SF3B3: variants seen among roughly 807,000 people sequenced by gnomAD.
SF3B3 encodes the protein SAP 130.
SF3B3 carries 33 observed loss-of-function variants against 139.2 expected under a neutral mutation model. The observed-to-expected ratio is 0.24, with a 90% confidence interval of 0.18 to 0.32. The LOEUF is 0.32. Among genes scored for constraint, SF3B3 ranks in the 10% least tolerant of loss-of-function variants. The probability of loss-of-function intolerance (pLI) is 1.00; values close to 1 mark genes in which losing one functional copy is unlikely to be tolerated. For synonymous variants in SF3B3, 596 were observed against 563.6 expected (o/e 1.06, Z -0.81); for missense variants, 818 against 1,509.4 (o/e 0.54, Z 7.59).
In SF3B3 at chr16:70,523,887, G is replaced by C. The variant is rs1410467084; in HGVS notation, c.-112G>C. On this transcript the variant is annotated 5_prime_UTR_variant, in exon 1 of 26. Coordinates refer to ENST00000302516, the MANE Select transcript of SF3B3 (RefSeq NM_012426.5). Reference sequence around the variant, plus strand: ...GTGGTGGCTTAAGTTTTGAAGGGAGGTAGCATCCGTTGGATATCCACACCA... The same window carrying C: ...GTGGTGGCTTAAGTTTTGAAGGGAGCTAGCATCCGTTGGATATCCACACCA... 1.0e-5 allele frequency: 5 copies of C among 489,314 alleles called. No individual in the cohort carries two copies. Among genetic ancestry groups the C allele is most frequent in the Non-Finnish European group, 1.8e-5 (5 of 278,976 alleles). 30.3% of individuals were successfully genotyped at this position (489,314 alleles called of 1,614,324 possible).
rs71387528 is a variant in SF3B3 at position 70,528,464 on chromosome 16, CTTTT to C, written c.71-388_71-385del. Among the ~76,000 whole-genome samples, 94 of 103,904 alleles carry C rather than the reference CTTTT, an allele frequency of 9.0e-4. 1 individual carries two copies. Among genetic ancestry groups the C allele is most frequent in the African/African-American group, 2.0e-3 (49 of 24,678 alleles). 68.2% of individuals were successfully genotyped at this position (103,904 alleles called of 152,430 possible). ...ACAGGTGTGAGCCACTGTGCGTGGC[CTTTT>C]TTTTTTTTTTTTTTTTTTTTAGAGA... On this transcript the variant is annotated intron_variant, in intron 2 of 25. Coordinates refer to ENST00000302516, the MANE Select transcript of SF3B3 (RefSeq NM_012426.5).
intron 3 of SF3B3, among the ~76,000 whole-genome samples, chr16:70,530,055 G>A (rs1359275734): frequency 6.6e-6 from 1 of 151,284 alleles, no homozygotes. Context: ...GAACCCGGGA[G>A]GCAAAGGTTG....
At chr16:70,569,913 A>G (rs2050512330) in intron 23 of SF3B3, 93 bp from the exon 24 acceptor site, 1 of 1,402,810 alleles carries the variant, frequency 7.1e-7, no homozygotes, top group Non-Finnish European at 9.8e-7. Flanking sequence ...TTAATAGATG[A>G]TGAAATGTGC....
intron 18 of SF3B3, among the ~76,000 whole-genome samples, chr16:70,564,565 G>A (rs781193601): frequency 5.3e-5 from 8 of 152,128 alleles, no homozygotes; most frequent in Non-Finnish European, 1.0e-4. Context: ...CCGTCCTTGA[G>A]CTTCCAAAAT....
intron 13 of SF3B3, 111 bp from the exon 14 acceptor site, chr16:70,556,068 C>A: frequency 9.1e-7 from 1 of 1,095,298 alleles, no homozygotes; most frequent in Non-Finnish European, 1.3e-6. Context: ...GGAAGCAGAA[C>A]AAAATACAAC....
intron 1 of SF3B3, 60 bp from the exon 2 acceptor site, chr16:70,526,527 A>G (rs2050066251): frequency 3.1e-6 from 2 of 636,682 alleles, no homozygotes; most frequent in South Asian, 2.0e-5. Flanking sequence ...AATTTCCCAT[A>G]CAGAAATGTC....
intron 22 of SF3B3, 60 bp downstream of exon 22, chr16:70,568,555 T>G: frequency 7.2e-7 from 1 of 1,390,098 alleles, no homozygotes. Flanking sequence ...CTCAGTTTCT[T>G]GTGGGTAAAG....
At chr16:70,527,187 T>C (rs1270716255) in intron 2 of SF3B3, among the ~76,000 whole-genome samples, 1 of 152,198 alleles carries the variant, frequency 6.6e-6, no homozygotes, top group Non-Finnish European at 1.5e-5. Flanking sequence ...GCAGTTTAGG[T>C]AGGGAGTGCT....
Position 70,529,010 on chromosome 16 carries a change from C to T in SF3B3, c.208C>T (p.Leu70=), listed in dbSNP as rs768050084. The T allele has an allele frequency of 5.0e-6, 8 of 1,614,084 alleles. No homozygotes were observed. The highest frequency in any genetic ancestry group is 6.8e-6 in the Non-Finnish European group (8 of 1,180,042). ...TATCCGGTCACTCATGGCCTTTAGG[C>T]TGACAGGTGGCACCAAAGACTACAT... ...GVIRSLMAFR[L]TGGTKDYIVV... is the part of the protein sequence containing the mutation. The change falls in exon 3 of 26, where the codon CTG becomes TTG. Residue 70 remains leucine (L), a synonymous_variant. Transcript: ENST00000302516.
chr16:70,567,585 G>T (rs553531975), intron 21 of SF3B3, 49 bp downstream of exon 21: 2 of 1,577,812 alleles, frequency 1.3e-6, no homozygotes, highest in African/African-American at 1.4e-5. Flanking sequence ...TGTCAAGGGT[G>T]GGGGCATTGG....
intron 1 of SF3B3, 138 bp downstream of exon 1, chr16:70,524,066 A>G: frequency 7.6e-6 from 3 of 395,724 alleles, no homozygotes; most frequent in Non-Finnish European, 1.3e-5. Flanking sequence ...GTACCGAGGG[A>G]TGGTTGAGGC....
chr16:70,568,305 G>T lies in SF3B3; in HGVS notation c.2975G>T (p.Gly992Val). Reference protein sequence around the residue: ...ENKHIANYISGIQTIGHRVIV... With the variant: ...ENKHIANYISVIQTIGHRVIV... Reference sequence around the variant, plus strand: ...CAGCATATTGCCAATTATATCTCTGGGATCCAGACTATCGGACATAGGGTA... The same window carrying T: ...CAGCATATTGCCAATTATATCTCTGTGATCCAGACTATCGGACATAGGGTA... Residue 992 changes from glycine to valine, a missense_variant, in exon 22 of 26, where the codon GGG becomes GTG. Physicochemically the swap from Gly to Val is moderately radical, Grantham distance 109. Around this residue, in one of 14 missense-constraint regions of SF3B3, gnomAD observed 145 missense variants for 153.6 expected, o/e 0.94. Transcript: ENST00000302516. The T allele has an allele frequency of 6.2e-7, 1 of 1,612,492 alleles. No homozygotes were observed. Among genetic ancestry groups the T allele is most frequent in the South Asian group, 1.1e-5 (1 of 91,010 alleles).
Position 70,528,488 on chromosome 16 carries a change from T to TTTA in SF3B3, c.71-385_71-384insTTA, listed in dbSNP as rs1188863120. 5.6e-3 allele frequency among the ~76,000 whole-genome samples: 661 copies of TTTA among 118,624 alleles called. 9 individuals are homozygous for TTTA. The highest frequency in any genetic ancestry group is 0.02 in the African/African-American group (639 of 31,928). 77.8% of individuals were successfully genotyped at this position (118,624 alleles called of 152,430 possible). A position where few individuals can be genotyped will look rare whatever the true frequency, so the allele number is the denominator to read the frequency against. On this transcript the variant is annotated intron_variant, in intron 2 of 25. Coordinates refer to ENST00000302516, the MANE Select transcript of SF3B3 (RefSeq NM_012426.5). ...CCTTTTTTTTTTTTTTTTTTTTTTT[T>TTTA]AGAGACGATATCTTGCTGCGTTTCC...
At chr16:70,566,001 C>T (rs538402944) in intron 20 of SF3B3, among the ~76,000 whole-genome samples, 14 of 152,090 alleles carry the variant, frequency 9.2e-5, no homozygotes, top group African/African-American at 3.4e-4. Context: ...CCTGTAATCC[C>T]AGCTGCTCGG....
At chr16:70,561,422 A>G in intron 16 of SF3B3, 1 of 561,932 alleles carries the variant, frequency 1.8e-6, no homozygotes. Flanking sequence ...AGTCTAGATC[A>G]TATGGCTCGT....
chr16:70,524,992 G>A (rs1318355635), intron 1 of SF3B3: 2 of 150,520 alleles, frequency 1.3e-5, no homozygotes, highest in Non-Finnish European at 3.0e-5. Context: ...CGTGGGGGAA[G>A]TTTTAAAGCT....
rs756086799 is a variant in SF3B3, at chr16:70,534,887, T to G, written c.713-421T>G. ...TTTCACCGTGTTGGCCAGGCTGGTC[T>G]CGAACTCCTGACCTCAGGTGATCTG... On this transcript the variant is annotated intron_variant, in intron 5 of 25. Transcript: ENST00000302516. Among the ~76,000 whole-genome samples the G allele has an allele frequency of 3.9e-5, 6 of 152,158 alleles. 1 individual carries two copies. The highest frequency in any genetic ancestry group is 5.9e-5 in the Non-Finnish European group (4 of 68,026).
intron 11 of SF3B3, 62 bp from the exon 12 acceptor site, chr16:70,554,384 T>C: frequency 6.5e-7 from 1 of 1,529,306 alleles, no homozygotes; most frequent in South Asian, 1.2e-5. Context: ...TCTTAGTGTT[T>C]CATTTGGCTT....
chr16:70,561,967 T>G (rs2050432930), intron 17 of SF3B3, among the ~76,000 whole-genome samples, 183 bp downstream of exon 17: 1 of 152,236 alleles, frequency 6.6e-6, no homozygotes, highest in Admixed American at 6.5e-5. Context: ...GAGCCAAGTT[T>G]CGGTGTTTTA....
Sources: gnomAD v4.1 joint callset for allele counts (sites outside exome capture counted in the v4.1 genomes callset) on GRCh38, gnomAD v4.1.1 for gene constraint, gnomAD v4.1.1 regional missense constraint, MANE v1.5 for transcripts, NCBI Gene and HGNC (gene_info 2026-07-23, HGNC 2026-07-21) for gene names.